The following MSANTD7 variants were observed in gnomAD, a reference collection of about 807,000 sequenced individuals.
MSANTD7 encodes the protein zinc finger and SCAN domain containing 29.
chr10:14,839,311 CGCCT>C, the MSANTD7 span, among the ~76,000 whole-genome samples: 264 of 152,342 alleles, frequency 1.7e-3, 2 homozygotes, highest in Admixed American at 0.014. Flanking sequence ...CGGTGGCTTA[CGCCT>C]GTAATCCCAG....
chr10:14,841,753 CAG>C, the MSANTD7 span, among the ~76,000 whole-genome samples: 1 of 152,198 alleles, frequency 6.6e-6, no homozygotes, highest in Admixed American at 6.5e-5. Context: ...ATGGGTAACA[CAG>C]AGCCACAGCG....
the MSANTD7 span, chr10:14,843,329 G>C: frequency 6.5e-7 from 1 of 1,548,826 alleles, no homozygotes; most frequent in Non-Finnish European, 8.7e-7. Flanking sequence ...CATTCCCTTA[G>C]CAGGAATGTT....
the MSANTD7 span, among the ~76,000 whole-genome samples, chr10:14,838,761 G>T: frequency 6.6e-6 from 1 of 152,158 alleles, no homozygotes; most frequent in Non-Finnish European, 1.5e-5. Context: ...AGGGTGCCCG[G>T]GGGGGTCCCG....
chr10:14,840,091 C>T, the MSANTD7 span: 9 of 1,425,758 alleles, frequency 6.3e-6, no homozygotes, highest in Non-Finnish European at 8.4e-6. Flanking sequence ...GGATTGGCAG[C>T]AAAACAAAGT....
the MSANTD7 span, chr10:14,842,708 A>C: frequency 6.5e-7 from 1 of 1,536,438 alleles, no homozygotes; most frequent in South Asian, 1.2e-5. The surrounding 1 kb of genome is among the most constrained non-coding windows in gnomAD (Gnocchi z 5.2). Context: ...TCTAAAATCA[A>C]AAAGGACTCA....
chr10:14,838,851 C>T, the MSANTD7 span, among the ~76,000 whole-genome samples: 1 of 152,082 alleles, frequency 6.6e-6, no homozygotes, highest in Non-Finnish European at 1.5e-5. Flanking sequence ...GTCACGGGGA[C>T]GTCCTGGCCT....
chr10:14,838,548 C>T, the MSANTD7 span: 2 of 1,315,264 alleles, frequency 1.5e-6, no homozygotes, highest in African/African-American at 1.5e-5. Flanking sequence ...AGCGGCGTGT[C>T]GCCGGCCTAG....
At chr10:14,840,119 A>G in the MSANTD7 span, 1 of 1,477,162 alleles carries the variant, frequency 6.8e-7, no homozygotes, top group Non-Finnish European at 9.1e-7. Flanking sequence ...GAAATATTTC[A>G]AATACAGTAA....
At chr10:14,838,765 G>A in the MSANTD7 span, among the ~76,000 whole-genome samples, 1 of 152,120 alleles carries the variant, frequency 6.6e-6, no homozygotes, top group African/African-American at 2.4e-5. Context: ...TGCCCGGGGG[G>A]GTCCCGGAGA....
At chr10:14,842,922 A>AGT in the MSANTD7 span, 1 of 1,056,676 alleles carries the variant, frequency 9.5e-7, no homozygotes, top group Non-Finnish European at 1.3e-6. The surrounding 1 kb of genome is among the most constrained non-coding windows in gnomAD (Gnocchi z 5.2). Context: ...CTGTTTGGAT[A>AGT]GTGTCCTCTT....
the MSANTD7 span, chr10:14,840,127 T>G: frequency 6.8e-7 from 1 of 1,473,500 alleles, no homozygotes; most frequent in Non-Finnish European, 9.1e-7. Flanking sequence ...TCAAATACAG[T>G]AATGAAAGTA....
At chr10:14,844,864 C>T in the MSANTD7 span, 8 of 985,206 alleles carry the variant, frequency 8.1e-6, no homozygotes, top group Non-Finnish European at 8.4e-6. Flanking sequence ...TAGCTGATTT[C>T]ATTCTTTTCT....
chr10:14,839,745 C>T, the MSANTD7 span, among the ~76,000 whole-genome samples: 78 of 152,194 alleles, frequency 5.1e-4, 2 homozygotes, highest in East Asian at 0.014. Flanking sequence ...TATAGGCTTT[C>T]TATGAAAACG....
At chr10:14,844,148 C>T in the MSANTD7 span, 1 of 1,309,206 alleles carries the variant, frequency 7.6e-7, no homozygotes, top group Non-Finnish European at 9.7e-7. Context: ...TTCATCCTAG[C>T]TTTGTCACAG....
chr10:14,842,136 A>G, the MSANTD7 span: 10 of 1,533,776 alleles, frequency 6.5e-6, no homozygotes, highest in African/African-American at 1.1e-4. This position sits in a 1 kb window ranked among gnomAD's most constrained non-coding sequence, Gnocchi z 5.2. Context: ...CCTTCCAGCC[A>G]GAAATGCGGT....
At chr10:14,846,330 A>G in the MSANTD7 span, 1 of 985,406 alleles carries the variant, frequency 1.0e-6, no homozygotes, top group Non-Finnish European at 1.2e-6. Context: ...TGCATAAGAC[A>G]GGGATTTCTT....
chr10:14,843,536 C>A, the MSANTD7 span: 1 of 1,550,584 alleles, frequency 6.4e-7, no homozygotes, highest in Non-Finnish European at 8.7e-7. Context: ...ACACCGCAGA[C>A]TCCAGTCTCC....
chr10:14,838,497 G>A, the MSANTD7 span: 5 of 1,556,020 alleles, frequency 3.2e-6, no homozygotes, highest in Admixed American at 3.8e-5. Context: ...CTTCATGACG[G>A]CCACCCGGTT....
At chr10:14,843,337 G>A in the MSANTD7 span, 8 of 1,550,060 alleles carry the variant, frequency 5.2e-6, no homozygotes, top group African/African-American at 2.7e-5. Context: ...TAGCAGGAAT[G>A]TTCTCTTTGC....
Sources: gnomAD v4.1 joint callset for allele counts (sites outside exome capture counted in the v4.1 genomes callset) on GRCh38, gnomAD v4.1.1 for gene constraint, Gnocchi (gnomAD v3.1) non-coding constraint, MANE v1.5 for transcripts, NCBI Gene and HGNC (gene_info 2026-07-23, HGNC 2026-07-21) for gene names.